The following PTPRD variants were observed in gnomAD, a reference collection of about 807,000 sequenced individuals.
PTPRD encodes receptor-type tyrosine-protein phosphatase delta.
Under a neutral mutation model 214.5 loss-of-function variants are expected in PTPRD, and 34 were observed. The ratio of observed to expected loss-of-function variants is 0.16; its 90% CI spans 0.12 to 0.21. PTPRD has a LOEUF of 0.21. Among genes scored for constraint, PTPRD ranks in the 10% least tolerant of loss-of-function variants. The probability of loss-of-function intolerance (pLI) is 1.00; values close to 1 mark genes in which losing one functional copy is unlikely to be tolerated. For synonymous variants in PTPRD, 1,128 were observed against 845.7 expected, an observed-to-expected ratio of 1.33 and a Z score of -5.79; for missense variants, 2,545 against 2,398.7, an observed-to-expected ratio of 1.06 and a Z score of -1.27.
chr9:8,599,483 AT>A (rs1304652713), intron 14 of PTPRD, among the ~76,000 whole-genome samples: 1 of 152,092 alleles, frequency 6.6e-6, no homozygotes, highest in Non-Finnish European at 1.5e-5. Flanking sequence ...GGAGTAATGA[AT>A]TTTTTTGATA....
chr9:8,451,346 C>T (rs924104951), intron 33 of PTPRD, among the ~76,000 whole-genome samples: 7 of 152,152 alleles, frequency 4.6e-5, no homozygotes, highest in African/African-American at 1.7e-4. Context: ...GTGCTGCCAA[C>T]CCATTCCACC....
intron 11 of PTPRD, among the ~76,000 whole-genome samples, chr9:8,746,806 C>A (rs1026610828): frequency 6.7e-6 from 1 of 150,358 alleles, no homozygotes. Context: ...CCAGCCTGGG[C>A]AACATAACAA....
chr9:9,532,902 G>C (rs946427833), intron 8 of PTPRD, among the ~76,000 whole-genome samples: 1 of 152,030 alleles, frequency 6.6e-6, no homozygotes. Context: ...TCTTAAAATG[G>C]CCATTGTGGA....
At chr9:8,811,551 A>T (rs1432625332) in intron 11 of PTPRD, among the ~76,000 whole-genome samples, 1 of 152,232 alleles carries the variant, frequency 6.6e-6, no homozygotes. Flanking sequence ...GAGGTCACTA[A>T]GGAACAGAAC....
At chr9:10,388,732 A>G (rs1432511429) in intron 2 of PTPRD, among the ~76,000 whole-genome samples, 1 of 151,862 alleles carries the variant, frequency 6.6e-6, no homozygotes, top group Non-Finnish European at 1.5e-5. Flanking sequence ...TAGTCATGTC[A>G]CTTAACTTTG....
Position 10,598,897 on chromosome 9 carries a change from G to A in PTPRD, c.-600+13501C>T, listed in dbSNP as rs2077293948. On this transcript the variant is annotated intron_variant, in intron 2 of 45. Coordinates refer to ENST00000381196, the MANE Select transcript of PTPRD (RefSeq NM_002839.4). ...ACACTACCAATTTTTGATATGATGA[G>A]GAGTAAATAGGTAAAACAGAGAATA... 2.0e-5 allele frequency among the ~76,000 whole-genome samples: 3 copies of A among 151,412 alleles called. No homozygotes were observed. The South Asian group carries it at 6.2e-4, about 31-fold the overall frequency.
chr9:9,644,036 A>G (rs2096062308), intron 7 of PTPRD, among the ~76,000 whole-genome samples: 1 of 152,212 alleles, frequency 6.6e-6, no homozygotes, highest in African/African-American at 2.4e-5. Flanking sequence ...TTGCAAAGAT[A>G]TGCTTTTTAA....
At chr9:8,352,947 C>T (rs1449087038) in intron 39 of PTPRD, among the ~76,000 whole-genome samples, 1 of 152,186 alleles carries the variant, frequency 6.6e-6, no homozygotes, top group South Asian at 2.1e-4. Context: ...CCCGTCTCTA[C>T]TAAAACTACA....
intron 12 of PTPRD, among the ~76,000 whole-genome samples, chr9:8,686,084 A>T (rs2097675502): frequency 6.6e-6 from 1 of 152,260 alleles, no homozygotes. Flanking sequence ...GCAAGCAGAA[A>T]CTATCAAAAC....
chr9:8,725,565 C>A (rs1372390667), intron 12 of PTPRD, among the ~76,000 whole-genome samples: 2 of 152,058 alleles, frequency 1.3e-5, no homozygotes, highest in African/African-American at 4.8e-5. Flanking sequence ...CAACAGAGAT[C>A]TAAACAAAGA....
intron 11 of PTPRD, chr9:8,861,242 T>C (rs191327720): frequency 6.6e-6 from 1 of 152,296 alleles, no homozygotes; most frequent in Admixed American, 6.5e-5. Flanking sequence ...ACAATAATAG[T>C]AATCAGTTGT....
chr9:10,271,821 G>A (rs2094440575), intron 3 of PTPRD, among the ~76,000 whole-genome samples: 1 of 152,028 alleles, frequency 6.6e-6, no homozygotes, highest in Non-Finnish European at 1.5e-5. Context: ...GGGATTACAG[G>A]TGTGAGACAC....
At position 9,772,599 on chromosome 9, in the gene PTPRD, T is replaced by C. The variant is rs189617578; in HGVS notation, c.-367-5748A>G. 2.1e-3 allele frequency among the ~76,000 whole-genome samples: 296 copies of C among 142,944 alleles called. 3 individuals carry two copies. The highest frequency in any genetic ancestry group is 7.9e-4 in the Non-Finnish European group (53 of 67,502). 93.8% of individuals were successfully genotyped at this position (142,944 alleles called of 152,430 possible). A position where few individuals can be genotyped will look rare whatever the true frequency, so the allele number is the denominator to read the frequency against. On this transcript the variant is annotated intron_variant, in intron 5 of 45. Transcript: ENST00000381196. ...TGCAAATGCCTTCTAAAGCAATCTATTGACCTGAAGATTGTCTATCACAAA... is the reference window on the plus strand; with the variant it reads ...TGCAAATGCCTTCTAAAGCAATCTACTGACCTGAAGATTGTCTATCACAAA...
At chr9:9,139,360 G>A (rs9299088) in intron 10 of PTPRD, among the ~76,000 whole-genome samples, 89,873 of 151,958 alleles carry the variant, frequency 0.59, 26,711 homozygotes, top group African/African-American at 0.64. Flanking sequence ...AATTGTTTCA[G>A]TTATAGTCCC....
At chr9:8,994,444 T>C (rs2099388864) in intron 11 of PTPRD, among the ~76,000 whole-genome samples, 2 of 152,160 alleles carry the variant, frequency 1.3e-5, no homozygotes, top group Admixed American at 6.6e-5. Context: ...TTTAATCAAA[T>C]GAATTTTTAC....
At chr9:10,253,003 C>G (rs2092925610) in intron 3 of PTPRD, among the ~76,000 whole-genome samples, 1 of 152,120 alleles carries the variant, frequency 6.6e-6, no homozygotes, top group Non-Finnish European at 1.5e-5. Flanking sequence ...AGAGTGGTCT[C>G]AAACTCTTGA....
chr9:8,999,557 T>A (rs1244824991), intron 11 of PTPRD, among the ~76,000 whole-genome samples: 1 of 152,056 alleles, frequency 6.6e-6, no homozygotes, highest in Non-Finnish European at 1.5e-5. Context: ...ACCAAAAAAT[T>A]CATGTGACTT....
At chr9:10,245,352 G>T (rs922258055) in intron 3 of PTPRD, among the ~76,000 whole-genome samples, 6 of 152,080 alleles carry the variant, frequency 3.9e-5, no homozygotes, top group Non-Finnish European at 5.9e-5. Context: ...GATAATCAAA[G>T]TATTGAATAA....
intron 3 of PTPRD, among the ~76,000 whole-genome samples, chr9:10,202,670 G>GCA (rs2099431292): frequency 2.5e-5 from 1 of 40,136 alleles, no homozygotes; most frequent in African/African-American, 2.0e-4. Flanking sequence ...AAAATTATAT[G>GCA]GATATATATA....
Sources: allele counts gnomAD v4.1 joint callset (sites outside exome capture counted in the v4.1 genomes callset), GRCh38; gene constraint gnomAD v4.1.1; transcripts MANE v1.5; gene names NCBI Gene and HGNC (gene_info 2026-07-23, HGNC 2026-07-21).